The following SPATA18 variants were observed in gnomAD, a reference collection of about 807,000 sequenced individuals.
SPATA18 encodes the protein spermatogenesis associated 18, also known as mitochondria-eating protein.
A neutral mutation model predicts 68.1 loss-of-function variants in SPATA18; 54 were observed. The ratio of observed to expected loss-of-function variants is 0.79; its 90% CI spans 0.64 to 0.99. The LOEUF (loss-of-function observed/expected upper bound fraction) is 0.99, where lower values mean the gene tolerates loss of function less well. Among genes scored for constraint, SPATA18 ranks in the 50% least tolerant of loss-of-function variants. SPATA18 has a pLI of 0.00. For missense variants in SPATA18, 724 were observed against 681.1 expected (o/e 1.06, Z -0.70); for synonymous variants, 242 against 244.8 (o/e 0.99, Z 0.11).
At chr4:52,070,545 G>C (rs2613115) in intron 5 of SPATA18, among the ~76,000 whole-genome samples, 2 of 142,828 alleles carry the variant, frequency 1.4e-5, no homozygotes, top group Non-Finnish European at 1.5e-5. Flanking sequence ...GGGGTAGGGG[G>C]AGGGGGGAGG....
chr4:52,074,478 G>C (rs1315912857), intron 6 of SPATA18, among the ~76,000 whole-genome samples: 1 of 152,102 alleles, frequency 6.6e-6, no homozygotes, highest in Non-Finnish European at 1.5e-5. Context: ...TCAAAACCAG[G>C]GAAGCATATG....
chr4:52,073,153 G>A (rs529404136), intron 6 of SPATA18, among the ~76,000 whole-genome samples: 18 of 152,226 alleles, frequency 1.2e-4, no homozygotes, highest in African/African-American at 4.1e-4. Flanking sequence ...GTGCCAACTT[G>A]TATTGGCTTC....
At chr4:52,052,954 C>T (rs1738027335) in intron 1 of SPATA18, among the ~76,000 whole-genome samples, 1 of 152,182 alleles carries the variant, frequency 6.6e-6, no homozygotes, top group Admixed American at 6.5e-5. Flanking sequence ...GCTGACCATT[C>T]CTTCTCCATT....
chr4:52,062,580 T>C (rs1738968899), intron 4 of SPATA18, among the ~76,000 whole-genome samples: 2 of 152,200 alleles, frequency 1.3e-5, no homozygotes, highest in South Asian at 4.2e-4. Context: ...GGTCCCCTGG[T>C]TCCTTCTTTG....
intron 10 of SPATA18, chr4:52,083,267 G>A (rs754944454): frequency 2.0e-5 from 20 of 985,300 alleles, no homozygotes; most frequent in Non-Finnish European, 2.2e-5. Context: ...CCAGGATGAT[G>A]CCCACAGCTG....
Position 52,072,049 on chromosome 4 carries a change from T to C in SPATA18, c.651T>C (p.Asn217=). The C allele has an allele frequency of 6.2e-7, 1 of 1,613,858 alleles. No homozygotes were observed. Among genetic ancestry groups the C allele is most frequent in the Non-Finnish European group, 8.5e-7 (1 of 1,179,994 alleles). ...KREQWNSLKQ[N]ADQQDTEAMS... ...AGCAGTGGAACTCACTCAAGCAGAA[T>C]GCAGACCAGCAGGACACAGAAGCCA... The change falls in exon 6 of 13, where the codon AAT becomes AAC. Residue 217 remains asparagine (N), a synonymous_variant. Coordinates refer to ENST00000295213, the MANE Select transcript of SPATA18 (RefSeq NM_145263.4).
chr4:52,073,090 A>G (rs1740008446), intron 6 of SPATA18, among the ~76,000 whole-genome samples: 1 of 152,104 alleles, frequency 6.6e-6, no homozygotes. Flanking sequence ...CCCATTCTCT[A>G]AATGTCACCA....
chr4:52,069,653 A>G (rs1398230213), intron 4 of SPATA18, among the ~76,000 whole-genome samples, 168 bp from the exon 5 acceptor site: 1 of 152,242 alleles, frequency 6.6e-6, no homozygotes, highest in African/African-American at 2.4e-5. Context: ...ATACAAGTCC[A>G]CCACAATATT....
rs892371627 is a variant in SPATA18, at chr4:52,090,997, C to T, written c.1564-3530C>T. On this transcript the variant is annotated intron_variant, in intron 11 of 12. Coordinates refer to ENST00000295213, the MANE Select transcript of SPATA18 (RefSeq NM_145263.4). ...GAGGCTTTGTTTGTTCCTTTTTATT[C>T]TTTTTTCTCTAATCTTGTCTTCTCT... Among the ~76,000 whole-genome samples, 3 of 151,722 alleles carry T rather than the reference C, an allele frequency of 2.0e-5. No homozygotes were observed. In the South Asian group the frequency reaches 6.2e-4, roughly 32 times the overall value.
intron 9 of SPATA18, among the ~76,000 whole-genome samples, chr4:52,080,332 C>T (rs1355037644): frequency 1.3e-5 from 2 of 152,120 alleles, no homozygotes; most frequent in South Asian, 2.1e-4. Flanking sequence ...ACATTTTATG[C>T]AGTAAGTCTA....
Position 52,082,379 on chromosome 4 carries a change from G to A in SPATA18, c.1356-8G>A. On this transcript the variant is annotated splice_region_variant and splice_polypyrimidine_tract_variant and intron_variant, in intron 9 of 12. Coordinates refer to ENST00000295213, the MANE Select transcript of SPATA18 (RefSeq NM_145263.4). ...ACTTCTCTTTCTTTTTTTGTATATT[G>A]AAAACAGATACCGCCGCAGCTACGA... The A allele has an allele frequency of 6.2e-7, 1 of 1,611,830 alleles. No individual in the cohort carries two copies. The highest frequency in any genetic ancestry group is 8.5e-7 in the Non-Finnish European group (1 of 1,179,018).
chr4:52,079,894 G>A lies in SPATA18; in HGVS notation c.1330G>A (p.Asp444Asn), dbSNP rs1740773797. The change falls in exon 9 of 13, where the codon GAT becomes AAT. Residue 444 changes from aspartate (D) to asparagine (N), a missense_variant. Physicochemically the swap from Asp to Asn is conservative, Grantham distance 23. Transcript: ENST00000295213. Reference sequence around the variant, plus strand: ...ACCCCTAGATATTGCATATGGAGCAGATGGAGAAGTTTTTAATGATTGCAA... The same window carrying A: ...ACCCCTAGATATTGCATATGGAGCAAATGGAGAAGTTTTTAATGATTGCAA... The part of the protein sequence containing the change: ...EPPLDIAYGA[D>N]GEVFNDCKYR... 1.2e-6 allele frequency: 2 copies of A among 1,612,954 alleles called. No individual in the cohort carries two copies. The highest frequency in any genetic ancestry group is 1.3e-5 in the African/African-American group (1 of 74,896).
chr4:52,071,221 T>C (rs1739812248), intron 5 of SPATA18, among the ~76,000 whole-genome samples: 1 of 152,194 alleles, frequency 6.6e-6, no homozygotes, highest in South Asian at 2.1e-4. Flanking sequence ...TCTTACCTTT[T>C]CATTTTACAC....
intron 6 of SPATA18, among the ~76,000 whole-genome samples, chr4:52,073,466 C>A (rs1740048824): frequency 6.6e-6 from 1 of 152,224 alleles, no homozygotes; most frequent in South Asian, 2.1e-4. Context: ...CCTTCCAATC[C>A]CCACCTCCAC....
intron 4 of SPATA18, 126 bp downstream of exon 4, chr4:52,062,458 G>A: frequency 1.5e-6 from 1 of 645,782 alleles, no homozygotes. Flanking sequence ...ATATGATTGT[G>A]TGTGTGTCTG....
chr4:52,095,743 A>G lies in SPATA18; in HGVS notation c.*856A>G, dbSNP rs551024030. The G allele has an allele frequency of 1.3e-5, 2 of 152,264 alleles. No individual in the cohort carries two copies. Among genetic ancestry groups the G allele is most frequent in the African/African-American group, 4.8e-5 (2 of 41,548 alleles). The allele number at this position is 152,264 out of a possible 1,614,324, so 9.4% of individuals were successfully genotyped here. ...CACCTGTTCTACCTAGTTATTTGCAAATTCAGACCTCCTATTGAACTCTGT... is the reference window on the plus strand; with the variant it reads ...CACCTGTTCTACCTAGTTATTTGCAGATTCAGACCTCCTATTGAACTCTGT... On this transcript the variant is annotated 3_prime_UTR_variant, in exon 13 of 13. Transcript: ENST00000295213.
intron 7 of SPATA18, chr4:52,078,505 G>A: frequency 2.7e-6 from 1 of 376,056 alleles, no homozygotes; most frequent in Non-Finnish European, 4.8e-6. Flanking sequence ...AGAATTTCTA[G>A]AATAATAGTC....
Position 52,060,539 on chromosome 4 carries a change from T to A in SPATA18, c.193+15T>A, listed in dbSNP as rs1306322236. On this transcript the variant is annotated intron_variant, in intron 2 of 12. Transcript: ENST00000295213. ...AGCCCAAGAAGGTGAGAATGGCCTG[T>A]AATTTCCCATCCAGTTCTGCTTGCC... 2 of 1,605,004 alleles carry A rather than the reference T, an allele frequency of 1.2e-6. No homozygotes were observed. Among genetic ancestry groups the A allele is most frequent in the African/African-American group, 2.7e-5 (2 of 74,842 alleles).
Position 52,079,738 on chromosome 4 carries a change from T to C in SPATA18, c.1180-6T>C. The C allele has an allele frequency of 6.2e-7, 1 of 1,613,448 alleles. No homozygotes were observed. The highest frequency in any genetic ancestry group is 8.5e-7 in the Non-Finnish European group (1 of 1,179,646). On this transcript the variant is annotated splice_polypyrimidine_tract_variant and splice_region_variant and intron_variant, in intron 8 of 12. Transcript: ENST00000295213. ...TAACAAAGTGATGCCATCTTTTGTT[T>C]TTCAGGATGTGATCCGAGCCATGAA... is the stretch of plus-strand genomic sequence containing the variant.
Sources: allele counts gnomAD v4.1 joint callset (sites outside exome capture counted in the v4.1 genomes callset), GRCh38; gene constraint gnomAD v4.1.1; transcripts MANE v1.5; gene names NCBI Gene and HGNC (gene_info 2026-07-23, HGNC 2026-07-21).